The following PCDH15 variants were observed in gnomAD, a reference collection of about 807,000 sequenced individuals.
The protein encoded by PCDH15 is protocadherin-15.
A neutral mutation model predicts 178.5 loss-of-function variants in PCDH15; 129 were observed. The observed-to-expected ratio is 0.72, with a 90% confidence interval of 0.63 to 0.84. The LOEUF is 0.84. PCDH15 is among the 40% of genes least tolerant of loss of function. The pLI, the probability that PCDH15 is intolerant of heterozygous loss-of-function variation, is 0.00. For synonymous variants in PCDH15, 800 were observed against 732.0 expected (o/e 1.09, Z -1.50); for missense variants, 2,230 against 2,099.9 (o/e 1.06, Z -1.21).
intron 15 of PCDH15, among the ~76,000 whole-genome samples, chr10:54,109,717 A>T (rs2094980949): frequency 6.6e-6 from 1 of 152,190 alleles, no homozygotes; most frequent in African/African-American, 2.4e-5. Context: ...TTATGGGGGA[A>T]GTGGGGATAG....
chr10:54,880,739 T>C (rs1433878161), intron 3 of PCDH15, among the ~76,000 whole-genome samples: 3 of 150,212 alleles, frequency 2.0e-5, no homozygotes, highest in Non-Finnish European at 4.4e-5. Flanking sequence ...ATATATTAAA[T>C]TATACATTTC....
chr10:54,324,265 A>G (rs11004233), intron 7 of PCDH15, among the ~76,000 whole-genome samples: 39,421 of 152,058 alleles, frequency 0.26, 6,411 homozygotes, highest in Middle Eastern at 0.38. Context: ...TGCAATGCTT[A>G]CACATTTTAT....
intron 8 of PCDH15, among the ~76,000 whole-genome samples, chr10:54,306,364 G>A (rs114090360): frequency 5.6e-4 from 85 of 152,136 alleles, no homozygotes; most frequent in African/African-American, 1.9e-3. Flanking sequence ...GAGAGAGAGC[G>A]AGAGAAAGAT....
intron 2 of PCDH15, among the ~76,000 whole-genome samples, chr10:55,141,776 A>G (rs956897826): frequency 2.0e-5 from 3 of 152,152 alleles, no homozygotes; most frequent in African/African-American, 7.2e-5. Context: ...CACAAAAGGA[A>G]ATGCATTTGA....
intron 2 of PCDH15, among the ~76,000 whole-genome samples, chr10:55,582,628 A>ATATTTTTTTTTTTT (rs780312007): frequency 5.8e-5 from 4 of 69,030 alleles, no homozygotes; most frequent in Non-Finnish European, 9.8e-5. Context: ...ATATATATAT[A>ATATTTTTTTTTTTT]TTTTTTTTTT....
intron 25 of PCDH15, among the ~76,000 whole-genome samples, chr10:53,918,845 T>C (rs1294009996): frequency 6.6e-6 from 1 of 152,178 alleles, no homozygotes; most frequent in Non-Finnish European, 1.5e-5. Context: ...AGTGTATTAC[T>C]GTATAGTTTG....
intron 2 of PCDH15, among the ~76,000 whole-genome samples, chr10:55,146,165 C>G (rs570737022): frequency 2.0e-5 from 3 of 151,960 alleles, no homozygotes. Flanking sequence ...GTTTTGTTCA[C>G]GGCAGCAATC....
chr10:55,127,216 T>C (rs181604541), intron 2 of PCDH15, among the ~76,000 whole-genome samples: 95 of 152,230 alleles, frequency 6.2e-4, no homozygotes, highest in African/African-American at 2.2e-3. Context: ...TTCCCCTTTC[T>C]GGAATTGCAG....
At chr10:55,384,920 C>A (rs191442227) in intron 2 of PCDH15, among the ~76,000 whole-genome samples, 1 of 151,988 alleles carries the variant, frequency 6.6e-6, no homozygotes, top group Non-Finnish European at 1.5e-5. Flanking sequence ...CAAAAATAAA[C>A]TCACATTAGG....
chr10:53,815,234 A>G (rs1214816285), intron 35 of PCDH15, among the ~76,000 whole-genome samples: 1 of 152,200 alleles, frequency 6.6e-6, no homozygotes. Context: ...TTAATATTTA[A>G]TTATTATAAA....
chr10:54,420,416 G>C (rs1309521972), intron 3 of PCDH15, among the ~76,000 whole-genome samples: 1 of 152,012 alleles, frequency 6.6e-6, no homozygotes, highest in Non-Finnish European at 1.5e-5. Context: ...TAAGCAAGAC[G>C]GAGCTCATGA....
chr10:54,533,681 C>T (rs1294821649), intron 2 of PCDH15, among the ~76,000 whole-genome samples: 1 of 152,132 alleles, frequency 6.6e-6, no homozygotes, highest in Admixed American at 6.5e-5. Context: ...TATTTCCTTA[C>T]AAGCTGCCTA....
chr10:53,888,934 C>G (rs1303066073), intron 26 of PCDH15, among the ~76,000 whole-genome samples: 1 of 148,844 alleles, frequency 6.7e-6, no homozygotes, highest in Non-Finnish European at 1.5e-5. Flanking sequence ...GACCATTTGA[C>G]TTAGAACAGA....
intron 2 of PCDH15, among the ~76,000 whole-genome samples, chr10:55,429,854 A>T (rs1358924365): frequency 6.6e-6 from 1 of 152,202 alleles, no homozygotes; most frequent in African/African-American, 2.4e-5. Flanking sequence ...TTACATTTAC[A>T]CAACAGTGTA....
At chr10:53,814,244 T>TCAAA (rs1475153979) in intron 35 of PCDH15, among the ~76,000 whole-genome samples, 18 of 152,106 alleles carry the variant, frequency 1.2e-4, no homozygotes, top group South Asian at 2.1e-4. Flanking sequence ...GAAAATAACT[T>TCAAA]CAAACAGTTT....
At chr10:55,420,855 G>C (rs577039256) in intron 2 of PCDH15, among the ~76,000 whole-genome samples, 1 of 151,428 alleles carries the variant, frequency 6.6e-6, no homozygotes, top group Non-Finnish European at 1.5e-5. Context: ...AATAACCAAG[G>C]AACTTACCAC....
At chr10:55,195,064 C>T (rs1473405488) in intron 1 of PCDH15, among the ~76,000 whole-genome samples, 1 of 149,120 alleles carries the variant, frequency 6.7e-6, no homozygotes. Flanking sequence ...TGCTCTGTGG[C>T]CCAGGCTGGA....
intron 2 of PCDH15, among the ~76,000 whole-genome samples, chr10:55,033,026 C>T (rs780997191): frequency 6.6e-6 from 1 of 152,072 alleles, no homozygotes; most frequent in African/African-American, 2.4e-5. Context: ...CTAACCATGC[C>T]ACCATGATGC....
At chr10:54,472,442 G>A (rs1438779738) in intron 3 of PCDH15, among the ~76,000 whole-genome samples, 1 of 152,034 alleles carries the variant, frequency 6.6e-6, no homozygotes, top group African/African-American at 2.4e-5. Context: ...TATGTCACAT[G>A]TTTCTTCAAT....
Sources: allele counts gnomAD v4.1 joint callset (sites outside exome capture counted in the v4.1 genomes callset), GRCh38; gene constraint gnomAD v4.1.1; transcripts MANE v1.5; gene names NCBI Gene and HGNC (gene_info 2026-07-23, HGNC 2026-07-21).